Variants in RBBP8 observed in about 807,000 individuals in gnomAD.
RBBP8 encodes RB binding protein 8, endonuclease.
In RBBP8, 88 loss-of-function variants were observed where a neutral mutation model predicts 108.3. That is an observed-to-expected ratio of 0.81 (90% CI 0.68 to 0.97). The LOEUF (loss-of-function observed/expected upper bound fraction) is 0.97. Among genes scored for constraint, RBBP8 ranks in the 50% least tolerant of loss-of-function variants. The pLI, the probability that RBBP8 is intolerant of heterozygous loss-of-function variation, is 0.00. For synonymous variants in RBBP8, 332 were observed against 348.2 expected (o/e 0.95, Z 0.52); for missense variants, 1,023 against 1,049.0 (o/e 0.98, Z 0.34).
At chr18:22,930,345 C>T (rs1296461961), upstream of RBBP8, among the ~76,000 whole-genome samples, 1 of 152,158 alleles carries the variant, frequency 6.6e-6, no homozygotes, top group Non-Finnish European at 1.5e-5. Context: ...GAAGCAGCCT[C>T]ATCTTTTCAT....
At chr18:22,967,989 AT>A (rs1475823168) in intron 4 of RBBP8, among the ~76,000 whole-genome samples, 2 of 151,676 alleles carry the variant, frequency 1.3e-5, no homozygotes, top group African/African-American at 2.4e-5. Flanking sequence ...TTTACTAATA[AT>A]TTTTTTAATG....
At chr18:22,948,030 A>C (rs979577693) in intron 3 of RBBP8, among the ~76,000 whole-genome samples, 1 of 151,808 alleles carries the variant, frequency 6.6e-6, no homozygotes, top group East Asian at 1.9e-4. Flanking sequence ...TTAAGAAAAA[A>C]CCCTTTGCTA....
chr18:22,979,733 C>G (rs182698171), intron 6 of RBBP8, among the ~76,000 whole-genome samples: 1 of 152,308 alleles, frequency 6.6e-6, no homozygotes, highest in Admixed American at 6.5e-5. Flanking sequence ...CCCAATCTTT[C>G]AGTTACAGTT....
Position 22,975,139 on chromosome 18 carries a change from A to G in RBBP8, c.362-14A>G. 6.2e-7 allele frequency: 1 copy of G among 1,605,976 alleles called. No homozygotes were observed. The highest frequency in any genetic ancestry group is 1.3e-5 in the African/African-American group (1 of 74,632). Reference sequence around the variant, plus strand: ...AAATATATTATTTGCCTTCTTTTTCACATTGTTTTTAAGTGAATGAAAGGA... The same window carrying G: ...AAATATATTATTTGCCTTCTTTTTCGCATTGTTTTTAAGTGAATGAAAGGA... On this transcript the variant is annotated splice_polypyrimidine_tract_variant and intron_variant, in intron 5 of 18. Transcript: ENST00000327155.
At chr18:22,959,736 TTG>T (rs1208403082) in intron 4 of RBBP8, among the ~76,000 whole-genome samples, 12 of 149,512 alleles carry the variant, frequency 8.0e-5, no homozygotes, top group East Asian at 3.9e-4. Flanking sequence ...GTGTGTGTGT[TTG>T]TGTGTGTGTG....
Position 23,016,856 on chromosome 18 carries a change from A to G in RBBP8, c.2386A>G (p.Ile796Val). ...RETSLQNFPHIEVVRKKEERR... is the reference protein window; with the variant it reads ...RETSLQNFPHVEVVRKKEERR... ...GACTAGCTTGCAAAATTTTCCTCAT[A>G]TTGAGGTGGTTCGGAAAAAAGAGGA... The change falls in exon 17 of 19, where the codon ATT becomes GTT. Residue 796 changes from isoleucine to valine, a missense_variant. Physicochemically the swap from Ile to Val is conservative, Grantham distance 29. Transcript: ENST00000327155. 3 of 1,613,782 alleles carry G rather than the reference A, an allele frequency of 1.9e-6. No homozygotes were observed. Among genetic ancestry groups the G allele is most frequent in the South Asian group, 2.2e-5 (2 of 91,074 alleles).
chr18:22,948,450 G>A (rs141767955), intron 3 of RBBP8, among the ~76,000 whole-genome samples: 150 of 152,112 alleles, frequency 9.9e-4, no homozygotes, highest in African/African-American at 3.4e-3. Context: ...ATTACTTTCT[G>A]TTATTTTCAA....
chr18:22,996,342 T>G (rs757704703), intron 12 of RBBP8, 32 bp from the exon 13 acceptor site: 6 of 1,611,568 alleles, frequency 3.7e-6, no homozygotes. Context: ...GAAATCAGTT[T>G]TTTAATTGCA....
chr18:23,017,071 T>C, intron 17 of RBBP8, 147 bp downstream of exon 17: 1 of 715,638 alleles, frequency 1.4e-6, no homozygotes, highest in Non-Finnish European at 2.4e-6. Flanking sequence ...AGGAGTATTC[T>C]GGGTCGGGTG....
chr18:22,981,658 G>A (rs1050770817), intron 6 of RBBP8, among the ~76,000 whole-genome samples: 4 of 152,120 alleles, frequency 2.6e-5, no homozygotes, highest in African/African-American at 7.2e-5. Flanking sequence ...GATGTTTAAC[G>A]TTCTTTCCTT....
At chr18:22,984,402 G>T (rs936084661) in intron 7 of RBBP8, among the ~76,000 whole-genome samples, 3 of 152,066 alleles carry the variant, frequency 2.0e-5, no homozygotes, top group African/African-American at 7.2e-5. Flanking sequence ...TTGATTATTT[G>T]AGATAGGGTC....
rs201687908 is a variant in RBBP8 at position 22,946,429 on chromosome 18, C to T, written c.110-15C>T. ...AACTGTTGTAGAAGTAATACCTTTT[C>T]TTTTTACTTTTCAGGTTTACAAGTA... On this transcript the variant is annotated splice_polypyrimidine_tract_variant and intron_variant, in intron 2 of 18. Transcript: ENST00000327155. 3.7e-4 allele frequency: 596 copies of T among 1,611,738 alleles called. No homozygotes were observed. Among genetic ancestry groups the T allele is most frequent in the Non-Finnish European group, 4.8e-4 (567 of 1,178,868 alleles).
At chr18:22,988,070 T>C (rs1425292364) in intron 8 of RBBP8, among the ~76,000 whole-genome samples, 1 of 152,238 alleles carries the variant, frequency 6.6e-6, no homozygotes, top group Non-Finnish European at 1.5e-5. Flanking sequence ...GTCTTACTGA[T>C]TCCACCTCCT....
chr18:22,997,923 A>G (rs1356739614), intron 14 of RBBP8, among the ~76,000 whole-genome samples, 189 bp downstream of exon 14: 2 of 152,178 alleles, frequency 1.3e-5, no homozygotes, highest in Admixed American at 1.3e-4. Flanking sequence ...TAACCAAACT[A>G]ATTTCATTTC....
intron 4 of RBBP8, among the ~76,000 whole-genome samples, chr18:22,955,588 T>TC (rs1685065351): frequency 6.6e-6 from 1 of 151,444 alleles, no homozygotes; most frequent in Non-Finnish European, 1.5e-5. Context: ...TCTTTTTTTT[T>TC]TTTTTTTGAG....
chr18:23,012,059 C>G (rs1054774254), intron 16 of RBBP8, among the ~76,000 whole-genome samples: 1 of 151,810 alleles, frequency 6.6e-6, no homozygotes, highest in Non-Finnish European at 1.5e-5. Flanking sequence ...AAAAAATTAG[C>G]TGAGCGTGGT....
At chr18:23,018,145 G>C (rs939774453) in intron 17 of RBBP8, among the ~76,000 whole-genome samples, 1 of 151,714 alleles carries the variant, frequency 6.6e-6, no homozygotes, top group East Asian at 1.9e-4. Flanking sequence ...TCCATTTCCC[G>C]GGTTCAGACG....
intron 16 of RBBP8, among the ~76,000 whole-genome samples, chr18:23,009,022 T>C (rs2046110022): frequency 6.6e-6 from 1 of 151,824 alleles, no homozygotes; most frequent in East Asian, 1.9e-4. Context: ...ATCCACCCGC[T>C]TCGGCCTCCC....
At chr18:22,946,362 A>C in intron 2 of RBBP8, 82 bp from the exon 3 acceptor site, 1 of 1,574,668 alleles carries the variant, frequency 6.4e-7, no homozygotes, top group South Asian at 1.1e-5. Context: ...TTTAGAGGCC[A>C]GACTGATGTG....
Sources: allele counts gnomAD v4.1 joint callset (sites outside exome capture counted in the v4.1 genomes callset), GRCh38; gene constraint gnomAD v4.1.1; transcripts MANE v1.5; gene names NCBI Gene and HGNC (gene_info 2026-07-23, HGNC 2026-07-21).